The following THTPA variants were observed in gnomAD, a reference collection of about 807,000 sequenced individuals.
THTPA encodes thiamine triphosphatase.
THTPA carries 16 observed loss-of-function variants against 16.5 expected under a neutral mutation model. The ratio of observed to expected loss-of-function variants is 0.97; its 90% CI spans 0.66 to 1.47. THTPA has a LOEUF of 1.47. Ranked by LOEUF, THTPA falls within the 40% of genes most tolerant of loss-of-function variation. THTPA has a pLI of 0.00. For missense variants in THTPA, 281 were observed against 280.9 expected (o/e 1.00, Z 0.00); for synonymous variants, 110 against 115.5 (o/e 0.95, Z 0.30).
chr14:23,551,009 G>A (rs901487247), upstream of THTPA, among the ~76,000 whole-genome samples: 2 of 151,586 alleles, frequency 1.3e-5, no homozygotes, highest in Non-Finnish European at 1.5e-5. The surrounding 1 kb of genome is among the most constrained non-coding windows in gnomAD (Gnocchi z 5.3). Context: ...GGCGCGGTCC[G>A]TCTAGGCTTT....
At chr14:23,542,525 T>C in the THTPA span, among the ~76,000 whole-genome samples, 1 of 152,172 alleles carries the variant, frequency 6.6e-6, no homozygotes, top group African/African-American at 2.4e-5. Context: ...CACAGATCTA[T>C]GTGATTTTAT....
chr14:23,518,018 A>G, the THTPA span, among the ~76,000 whole-genome samples: 82 of 152,174 alleles, frequency 5.4e-4, no homozygotes, highest in African/African-American at 1.9e-3. This position sits in a 1 kb window ranked among gnomAD's most constrained non-coding sequence, Gnocchi z 4.5. Context: ...GTTGGAGGGT[A>G]TTTCTGCTTA....
At chr14:23,532,576 T>A in the THTPA span, 2 of 1,441,708 alleles carry the variant, frequency 1.4e-6, no homozygotes, top group Non-Finnish European at 1.8e-6. Context: ...CCTTATAGAT[T>A]TGGCTGTTTT....
chr14:23,521,187 G>C, the THTPA span: 1 of 152,586 alleles, frequency 6.6e-6, no homozygotes, highest in Non-Finnish European at 1.5e-5. Context: ...GATTGGCAGA[G>C]GGGTTTCTGG....
At chr14:23,512,428 G>C in the THTPA span, among the ~76,000 whole-genome samples, 1 of 151,986 alleles carries the variant, frequency 6.6e-6, no homozygotes, top group African/African-American at 2.4e-5. Flanking sequence ...GGTGGGGAAG[G>C]CTCTAGATCT....
At chr14:23,551,974 T>C (rs1429777383), upstream of THTPA, among the ~76,000 whole-genome samples, 1 of 150,704 alleles carries the variant, frequency 6.6e-6, no homozygotes, top group African/African-American at 2.4e-5. This position sits in a 1 kb window ranked among gnomAD's most constrained non-coding sequence, Gnocchi z 5.3. Flanking sequence ...CTCTTTTCCG[T>C]CTCCTCTCCT....
the THTPA span, chr14:23,532,463 C>A: frequency 7.4e-7 from 1 of 1,349,332 alleles, no homozygotes; most frequent in Non-Finnish European, 9.6e-7. Flanking sequence ...CCTTTTTCTC[C>A]ATTTGTCACC....
the THTPA span, chr14:23,522,456 C>G: frequency 3.6e-5 from 55 of 1,536,098 alleles, no homozygotes; most frequent in Non-Finnish European, 4.8e-5. Context: ...GCTGTGGGCT[C>G]AGGGGGCTGG....
upstream of THTPA, among the ~76,000 whole-genome samples, chr14:23,552,871 G>A (rs920061744): frequency 2.6e-5 from 4 of 152,046 alleles, no homozygotes; most frequent in Admixed American, 2.0e-4. Flanking sequence ...CAAAGTCCTG[G>A]GATTATAGGG....
At chr14:23,515,459 A>C in the THTPA span, among the ~76,000 whole-genome samples, 1 of 152,226 alleles carries the variant, frequency 6.6e-6, no homozygotes, top group Non-Finnish European at 1.5e-5. Context: ...ATAGATTTCC[A>C]TATCTTTGAA....
chr14:23,525,308 A>G, the THTPA span: 369,865 of 1,535,792 alleles, frequency 0.24, 55,032 homozygotes, highest in African/African-American at 0.71. This position sits in a 1 kb window ranked among gnomAD's most constrained non-coding sequence, Gnocchi z 5.9. Flanking sequence ...CAGATGGGGA[A>G]CAGGTGAATC....
chr14:23,534,691 A>G, the THTPA span: 1 of 1,536,214 alleles, frequency 6.5e-7, no homozygotes, highest in Non-Finnish European at 8.7e-7. The surrounding 1 kb of genome is among the most constrained non-coding windows in gnomAD (Gnocchi z 4.5). Context: ...ATTTGGAGCC[A>G]GCTGGTAGCT....
the THTPA span, chr14:23,526,910 C>A: frequency 6.5e-7 from 1 of 1,534,544 alleles, no homozygotes; most frequent in Non-Finnish European, 8.7e-7. Context: ...TGGCCATTGT[C>A]CAGAGGGCTT....
chr14:23,515,674 T>C, the THTPA span, among the ~76,000 whole-genome samples: 4 of 152,104 alleles, frequency 2.6e-5, no homozygotes, highest in African/African-American at 4.8e-5. Flanking sequence ...GATTTGGCTG[T>C]GGGTGATGTG....
At chr14:23,516,363 TG>T in the THTPA span, among the ~76,000 whole-genome samples, 1 of 152,172 alleles carries the variant, frequency 6.6e-6, no homozygotes, top group Non-Finnish European at 1.5e-5. Flanking sequence ...GTTTGGGATA[TG>T]TTTGTTGTGG....
At chr14:23,525,430 G>A in the THTPA span, 1 of 1,536,180 alleles carries the variant, frequency 6.5e-7, no homozygotes, top group African/African-American at 1.4e-5. This position sits in a 1 kb window ranked among gnomAD's most constrained non-coding sequence, Gnocchi z 5.9. Context: ...GCAGAAAGCG[G>A]CGGTGGACAT....
the THTPA span, chr14:23,528,671 GCTCCCA>G: frequency 1.0e-6 from 1 of 985,404 alleles, no homozygotes; most frequent in Non-Finnish European, 1.2e-6. Flanking sequence ...AGGCTCAGCA[GCTCCCA>G]CCTTATTTTC....
the THTPA span, among the ~76,000 whole-genome samples, chr14:23,516,347 T>A: frequency 2.6e-5 from 4 of 152,236 alleles, no homozygotes; most frequent in Non-Finnish European, 5.9e-5. Flanking sequence ...GTCTTTATGC[T>A]GACATGTTTG....
the THTPA span, chr14:23,525,886 G>C: frequency 4.1e-6 from 6 of 1,457,928 alleles, no homozygotes; most frequent in Non-Finnish European, 5.4e-6. The surrounding 1 kb of genome is among the most constrained non-coding windows in gnomAD (Gnocchi z 5.9). Flanking sequence ...GCAGTGATTC[G>C]GGCACCAGAG....
Sources: gnomAD v4.1 joint callset for allele counts (sites outside exome capture counted in the v4.1 genomes callset) on GRCh38, gnomAD v4.1.1 for gene constraint, Gnocchi (gnomAD v3.1) non-coding constraint, MANE v1.5 for transcripts, NCBI Gene and HGNC (gene_info 2026-07-23, HGNC 2026-07-21) for gene names.